The following RNF19A variants were observed in gnomAD, a reference collection of about 807,000 sequenced individuals.
The protein encoded by RNF19A is ring finger protein 19A, RBR E3 ubiquitin protein ligase.
In RNF19A, 32 loss-of-function variants were observed where a neutral mutation model predicts 75.7. The observed-to-expected ratio is 0.42, with a 90% confidence interval of 0.32 to 0.57. The LOEUF is 0.57. RNF19A is among the 20% of genes least tolerant of loss of function. The pLI, the probability that RNF19A is intolerant of heterozygous loss-of-function variation, is 0.10. For synonymous variants in RNF19A, 335 were observed against 345.2 expected (o/e 0.97, Z 0.33); for missense variants, 782 against 1,036.3 (o/e 0.75, Z 3.37).
At chr8:100,335,602 T>C (rs1256007116) in intron 1 of RNF19A, among the ~76,000 whole-genome samples, 1 of 152,256 alleles carries the variant, frequency 6.6e-6, no homozygotes, top group Non-Finnish European at 1.5e-5. Context: ...CACTGCTTCC[T>C]TAAATAGAAG....
chr8:100,321,387 T>C (rs945716788), intron 1 of RNF19A, among the ~76,000 whole-genome samples: 3 of 152,236 alleles, frequency 2.0e-5, no homozygotes, highest in African/African-American at 4.8e-5. Flanking sequence ...AGGGATCAAC[T>C]ACTCACCTGT....
chr8:100,262,978 G>T (rs1819795162), intron 7 of RNF19A, among the ~76,000 whole-genome samples: 1 of 152,172 alleles, frequency 6.6e-6, no homozygotes, highest in African/African-American at 2.4e-5. Flanking sequence ...AGTTAAGGAG[G>T]ATGAAGGGAA....
At position 100,287,167 on chromosome 8, in the gene RNF19A, C is replaced by T. The variant is rs913484933; in HGVS notation, c.674+334G>A. 6.6e-6 allele frequency among the ~76,000 whole-genome samples: 1 copy of T among 152,100 alleles called. No homozygotes were observed. The highest frequency in any genetic ancestry group is 1.5e-5 in the Non-Finnish European group (1 of 68,002). ...CCACAAATAACCCCCTCATCATAAA[C>T]AAACCTGATCATTTCATCTGTTATT... On this transcript the variant is annotated intron_variant, in intron 2 of 9. Transcript: ENST00000341084. The surrounding 1 kb of genome is among the most constrained non-coding windows in gnomAD (Gnocchi z 4.1).
chr8:100,266,681 T>A (rs1819996773), intron 5 of RNF19A, among the ~76,000 whole-genome samples: 2 of 152,062 alleles, frequency 1.3e-5, no homozygotes, highest in South Asian at 4.2e-4. Flanking sequence ...CAGCTGATTA[T>A]TTAGTTTTTT....
chr8:100,298,661 C>A (rs1450389578), intron 1 of RNF19A, among the ~76,000 whole-genome samples: 2 of 152,158 alleles, frequency 1.3e-5, no homozygotes, highest in Non-Finnish European at 2.9e-5. Context: ...CAAACACGCA[C>A]CTGCCACATC....
chr8:100,258,967 G>C lies in RNF19A; in HGVS notation c.2106C>G (p.Ser702Arg). 6.2e-7 allele frequency: 1 copy of C among 1,614,214 alleles called. No homozygotes were observed. Among genetic ancestry groups the C allele is most frequent in the Non-Finnish European group, 8.5e-7 (1 of 1,180,036 alleles). Reference protein sequence around the residue: ...DMDAQLLEQQSTNSSEFEAPS... With the variant: ...DMDAQLLEQQRTNSSEFEAPS... ...GAGCCTCAAATTCACTTGAGTTCGT[G>C]CTTTGTTGTTCTAACAACTGTGCAT... is the stretch of plus-strand genomic sequence containing the variant. Residue 702 changes from serine to arginine, a missense_variant, in exon 10 of 10, where the codon AGC (serine) becomes AGG (arginine). This residue lies in a region of RNF19A where 442 missense variants were observed against 541.6 expected (regional missense o/e 0.82). Transcript: ENST00000341084. This position sits in a 1 kb window ranked among gnomAD's most constrained non-coding sequence, Gnocchi z 4.3.
Position 100,257,625 on chromosome 8 carries a change from T to G in RNF19A, c.*931A>C, listed in dbSNP as rs1236331118. Reference sequence around the variant, plus strand: ...GTAGGCTAATACTTTTTCAGCATTATTAATCACATTCATGTTTATCTATTT... The same window carrying G: ...GTAGGCTAATACTTTTTCAGCATTAGTAATCACATTCATGTTTATCTATTT... On this transcript the variant is annotated 3_prime_UTR_variant, in exon 10 of 10. Coordinates refer to ENST00000341084, the MANE Select transcript of RNF19A (RefSeq NM_183419.4). 2.4e-5 allele frequency: 4 copies of G among 168,010 alleles called. No individual in the cohort carries two copies. Among genetic ancestry groups the G allele is most frequent in the Admixed American group, 1.9e-4 (3 of 15,762 alleles). The allele number at this position is 168,010 out of a possible 1,614,324, so 10.4% of individuals were successfully genotyped here.
Position 100,324,741 on chromosome 8 carries a change from T to G in RNF19A, c.-243+11367A>C, listed in dbSNP as rs1230920709. On this transcript the variant is annotated intron_variant, in intron 1 of 3. Transcript: ENST00000519527. This position sits in a 1 kb window ranked among gnomAD's most constrained non-coding sequence, Gnocchi z 4.2. ...AAACAGAACTTCATGACAAGACATT[T>G]TAACAAGAGATGATAGGAAAATTGA... Among the ~76,000 whole-genome samples the G allele has an allele frequency of 4.6e-5, 7 of 152,178 alleles. No individual in the cohort carries two copies. The highest frequency in any genetic ancestry group is 8.8e-5 in the Non-Finnish European group (6 of 68,032).
intron 1 of RNF19A, among the ~76,000 whole-genome samples, chr8:100,321,689 A>G (rs1822467507): frequency 6.6e-6 from 1 of 152,246 alleles, no homozygotes; most frequent in Admixed American, 6.5e-5. Flanking sequence ...ATAGCCTTAC[A>G]AAATGTATTT....
chr8:100,291,558 C>T (rs1821296858), intron 1 of RNF19A, among the ~76,000 whole-genome samples: 2 of 152,190 alleles, frequency 1.3e-5, no homozygotes, highest in African/African-American at 4.8e-5. Flanking sequence ...ACCATAAACA[C>T]TTCAGCAGCA....
chr8:100,335,879 CT>C (rs1175446474), intron 1 of RNF19A, among the ~76,000 whole-genome samples: 4 of 152,362 alleles, frequency 2.6e-5, no homozygotes, highest in Admixed American at 2.6e-4. Context: ...TCAGCCACGG[CT>C]GATTGGGCAA....
intron 1 of RNF19A, among the ~76,000 whole-genome samples, chr8:100,335,443 T>A (rs895082194): frequency 6.6e-6 from 1 of 152,162 alleles, no homozygotes; most frequent in Non-Finnish European, 1.5e-5. Flanking sequence ...CTCAACAACT[T>A]CCTAGTTTCT....
intron 1 of RNF19A, among the ~76,000 whole-genome samples, chr8:100,301,917 T>C (rs1354128839): frequency 3.3e-5 from 5 of 152,168 alleles, no homozygotes; most frequent in Non-Finnish European, 7.3e-5. Context: ...AAGGAGGTGT[T>C]AGCTATGTGG....
At chr8:100,310,292 C>T (rs959385456), upstream of RNF19A, 5 of 964,014 alleles carry the variant, frequency 5.2e-6, no homozygotes, top group African/African-American at 7.0e-5. Context: ...GCAGGAGCCG[C>T]CCCGCTGCAC....
At chr8:100,304,115 C>A (rs1393515447) in intron 1 of RNF19A, among the ~76,000 whole-genome samples, 1 of 152,020 alleles carries the variant, frequency 6.6e-6, no homozygotes, top group Non-Finnish European at 1.5e-5. Context: ...CACCACCATA[C>A]CTAGGTAAAT....
intron 1 of RNF19A, among the ~76,000 whole-genome samples, chr8:100,307,866 C>A (rs1214334082): frequency 6.6e-6 from 1 of 152,096 alleles, no homozygotes; most frequent in Non-Finnish European, 1.5e-5. Context: ...AAATAGGAAT[C>A]TTAGCACCTC....
intron 1 of RNF19A, among the ~76,000 whole-genome samples, chr8:100,295,185 C>G (rs1031535518): frequency 2.6e-5 from 4 of 152,118 alleles, no homozygotes; most frequent in Non-Finnish European, 5.9e-5. Flanking sequence ...TCCCTCTTTT[C>G]TAAGCATAAT....
In RNF19A at chr8:100,296,085, A is replaced by G. The variant is rs187630318; in HGVS notation, c.-93-7818T>C. Among the ~76,000 whole-genome samples the G allele has an allele frequency of 7.9e-5, 12 of 152,224 alleles. No homozygotes were observed. The East Asian group carries it at 2.3e-3, about 29-fold the overall frequency. ...CCAAGCAGCAATGCATTCTCTGGGC[A>G]TTATTCTTTTTTTTCTTTTTTTCCT... On this transcript the variant is annotated intron_variant, in intron 1 of 9. Transcript: ENST00000341084.
At chr8:100,289,177 G>A (rs1821176760) in intron 1 of RNF19A, among the ~76,000 whole-genome samples, 1 of 151,960 alleles carries the variant, frequency 6.6e-6, no homozygotes, top group Non-Finnish European at 1.5e-5. Context: ...TATGTCTACT[G>A]GTTATCCACC....
Sources: gnomAD v4.1 joint callset for allele counts (sites outside exome capture counted in the v4.1 genomes callset) on GRCh38, gnomAD v4.1.1 for gene constraint, gnomAD v4.1.1 regional missense constraint, Gnocchi (gnomAD v3.1) non-coding constraint, MANE v1.5 for transcripts, NCBI Gene and HGNC (gene_info 2026-07-23, HGNC 2026-07-21) for gene names.